The following UVSSA variants were observed in gnomAD, a reference collection of about 807,000 sequenced individuals.
UVSSA encodes UV-stimulated scaffold protein A.
A neutral mutation model predicts 73.9 loss-of-function variants in UVSSA; 72 were observed. The ratio of observed to expected loss-of-function variants is 0.97; its 90% confidence interval spans 0.81 to 1.19. UVSSA has a LOEUF of 1.19. UVSSA is among the 50% of genes most tolerant of loss of function. UVSSA has a pLI of 0.00. For missense variants in UVSSA, 1,150 were observed against 965.0 expected (o/e 1.19, Z -2.54); for synonymous variants, 454 against 391.3 (o/e 1.16, Z -1.89).
In UVSSA at chr4:1,395,402, G is replaced by A. The variant is rs1274851692; in HGVS notation, c.*9441G>A. 6 of 1,575,918 alleles carry A rather than the reference G, an allele frequency of 3.8e-6. No individual in the cohort carries two copies. In the Admixed American group the frequency reaches 5.3e-5, roughly 14 times the overall value. ...CCCGCCTGCTCACACGTGCCCATGT[G>A]GAGTGCCCGCCTGCTCACACGTGCC... is the stretch of plus-strand genomic sequence containing the variant. On this transcript the variant is annotated 3_prime_UTR_variant, in exon 14 of 14. Transcript: ENST00000511216.
In UVSSA at chr4:1,348,125, C is replaced by A. The variant is rs1714005637; in HGVS notation, c.34C>A (p.Leu12Ile). 1.9e-6 allele frequency: 3 copies of A among 1,613,740 alleles called. No individual in the cohort carries two copies. Among genetic ancestry groups the A allele is most frequent in the Non-Finnish European group, 2.5e-6 (3 of 1,179,984 alleles). ...DQKLSKLVEE[L>I]TTSGEPRLNP... ...GAAACTTTCGAAGTTGGTAGAAGAG[C>A]TCACAACTTCAGGAGAACCCCGACT... Residue 12 changes from leucine (L) to isoleucine (I), a missense_variant, in exon 2 of 14, where the codon CTC becomes ATC. Coordinates refer to ENST00000389851, the MANE Select transcript of UVSSA (RefSeq NM_020894.4).
In UVSSA at chr4:1,383,840, G is replaced by A. The variant is rs749450224; in HGVS notation, c.1936G>A (p.Gly646Arg). ...GQDLGSSRYS[G>R]KGRGKKRRYP... The stretch of plus-strand genomic sequence containing the variant: ...GGATCTCGGCTCATCCAGGTACAGC[G>A]GGAAAGGCAGGGGGAAGAAGAGGAG... Residue 646 changes from glycine (G) to arginine (R), a missense_variant, in exon 13 of 14, where the codon GGG becomes AGG. Physicochemically the swap from Gly to Arg is moderately radical, Grantham distance 125. Transcript: ENST00000389851. 9.9e-6 allele frequency: 16 copies of A among 1,613,422 alleles called. No homozygotes were observed. The Middle Eastern group carries it at 6.6e-4, about 66-fold the overall frequency.
intron 7 of UVSSA, 94 bp from the exon 8 acceptor site, chr4:1,366,226 A>T: frequency 2.0e-6 from 2 of 1,007,452 alleles, no homozygotes; most frequent in Non-Finnish European, 3.0e-6. Context: ...AAAAAGCTCC[A>T]CAAGAAATAG....
At chr4:1,346,749 CGGGCG>C (rs1713742527), upstream of UVSSA, among the ~76,000 whole-genome samples, 4 of 152,186 alleles carry the variant, frequency 2.6e-5, no homozygotes, top group Admixed American at 2.6e-4. Context: ...TGCGAGCCCG[CGGGCG>C]GGCGTGGCGT....
downstream of UVSSA, chr4:1,390,258 C>G (rs1327568480): frequency 6.6e-6 from 1 of 151,940 alleles, no homozygotes; most frequent in Non-Finnish European, 1.5e-5. Context: ...GTTTAATTTC[C>G]ACATATATGT....
At chr4:1,342,346 T>A (rs1713461700), upstream of UVSSA, among the ~76,000 whole-genome samples, 1 of 152,214 alleles carries the variant, frequency 6.6e-6, no homozygotes, top group Non-Finnish European at 1.5e-5. Context: ...GATGTCTGAT[T>A]TTGACCTGAT....
intron 8 of UVSSA, among the ~76,000 whole-genome samples, chr4:1,371,373 C>G (rs964700758): frequency 6.6e-6 from 1 of 152,034 alleles, no homozygotes; most frequent in Non-Finnish European, 1.5e-5. Flanking sequence ...TCTGTGGTCT[C>G]AGGACACAGT....
At chr4:1,351,487 A>G (rs1402941498) in intron 3 of UVSSA, among the ~76,000 whole-genome samples, 4 of 141,838 alleles carry the variant, frequency 2.8e-5, no homozygotes, top group East Asian at 4.4e-4. Flanking sequence ...CCGGGTTCAC[A>G]CCATTCTCCT....
chr4:1,360,227 C>T (rs1716426976), intron 7 of UVSSA, among the ~76,000 whole-genome samples: 1 of 152,244 alleles, frequency 6.6e-6, no homozygotes, highest in South Asian at 2.1e-4. Flanking sequence ...GCACAGGGAA[C>T]ACGGGGAGAA....
At chr4:1,349,436 C>T (rs1407965854) in intron 2 of UVSSA, 88 bp from the exon 3 acceptor site, 4 of 1,291,878 alleles carry the variant, frequency 3.1e-6, no homozygotes, top group Admixed American at 2.1e-5. Context: ...CCCTGCCACA[C>T]GTGCGTGCGG....
chr4:1,366,373 G>C lies in UVSSA; in HGVS notation c.1230G>C (p.Glu410Asp), dbSNP rs370740292. The C allele has an allele frequency of 7.3e-5, 118 of 1,613,448 alleles. No individual in the cohort carries two copies. Among genetic ancestry groups the C allele is most frequent in the Non-Finnish European group, 5.1e-5 (60 of 1,179,750 alleles). Reference protein sequence around the residue: ...EEDEDDEDFVEVPEKEGYEPH... With the variant: ...EEDEDDEDFVDVPEKEGYEPH... ...ATGAGGACGATGAGGACTTTGTGGA[G>C]GTCCCTGAGAAGGAGGGGTATGAGC... is the stretch of plus-strand genomic sequence containing the variant. The change falls in exon 8 of 14, where the codon GAG becomes GAC. Residue 410 changes from glutamate to aspartate, a missense_variant. Coordinates refer to ENST00000389851, the MANE Select transcript of UVSSA (RefSeq NM_020894.4).
At chr4:1,352,948 T>C (rs1173913575) in intron 4 of UVSSA, 82 bp from the exon 5 acceptor site, 2 of 1,518,762 alleles carry the variant, frequency 1.3e-6, no homozygotes, top group Admixed American at 2.0e-5. Context: ...CTGCGGGGAG[T>C]GGGCCTCTGA....
chr4:1,362,641 G>A (rs1172935347), intron 7 of UVSSA, among the ~76,000 whole-genome samples: 1 of 152,308 alleles, frequency 6.6e-6, no homozygotes, highest in East Asian at 1.9e-4. Context: ...CCCTCAGCAG[G>A]GCTTGCAGAC....
At chr4:1,353,435 C>T in intron 5 of UVSSA, 22 bp downstream of exon 5, 1 of 1,460,206 alleles carries the variant, frequency 6.8e-7, no homozygotes, top group African/African-American at 1.4e-5. Flanking sequence ...CGCGGGGTCT[C>T]TGTGGCGCCA....
chr4:1,366,769 T>A (rs1012058779), intron 8 of UVSSA, among the ~76,000 whole-genome samples: 1 of 152,070 alleles, frequency 6.6e-6, no homozygotes, highest in African/African-American at 2.4e-5. Flanking sequence ...GGGGCCACCA[T>A]CCTACCCTTG....
At chr4:1,365,982 C>T (rs950317424) in intron 7 of UVSSA, 4 of 186,882 alleles carry the variant, frequency 2.1e-5, no homozygotes, top group Admixed American at 5.8e-5. Flanking sequence ...CCCTAAGCCC[C>T]GGGGGCACCG....
chr4:1,366,165 C>T (rs1054554493), intron 7 of UVSSA, 155 bp from the exon 8 acceptor site: 7 of 634,490 alleles, frequency 1.1e-5, no homozygotes, highest in South Asian at 3.9e-5. Context: ...GCCTTGGAGA[C>T]GATCTTAAAT....
chr4:1,347,837 A>T (rs1195826299), intron 1 of UVSSA, 77 bp downstream of exon 1: 1 of 452,030 alleles, frequency 2.2e-6, no homozygotes, highest in East Asian at 4.0e-5. Context: ...TTAACGCACG[A>T]CCCTCAATGC....
chr4:1,348,115 G>T lies in UVSSA; in HGVS notation c.24G>T (p.Leu8Phe). ...ATATGGATCAGAAACTTTCGAAGTT[G>T]GTAGAAGAGCTCACAACTTCAGGAG... MDQKLSK[L>F]VEELTTSGEP... is the part of the protein sequence containing the mutation. The change falls in exon 2 of 14, where the codon TTG (leucine) becomes TTT (phenylalanine). Residue 8 changes from leucine (L) to phenylalanine (F), a missense_variant. Transcript: ENST00000389851. 6.2e-7 allele frequency: 1 copy of T among 1,613,834 alleles called. No individual in the cohort carries two copies. The highest frequency in any genetic ancestry group is 8.5e-7 in the Non-Finnish European group (1 of 1,179,918).
Sources: allele counts gnomAD v4.1 joint callset (sites outside exome capture counted in the v4.1 genomes callset), GRCh38; gene constraint gnomAD v4.1.1; transcripts MANE v1.5; gene names NCBI Gene and HGNC (gene_info 2026-07-23, HGNC 2026-07-21).